Variants in PAX2 observed in about 807,000 individuals in gnomAD.
PAX2 encodes paired box 2.
A neutral mutation model predicts 41.7 loss-of-function variants in PAX2; 9 were observed. The ratio of observed to expected loss-of-function variants is 0.22; its 90% CI spans 0.13 to 0.38. The LOEUF is 0.38. Among genes scored for constraint, PAX2 ranks in the 10% least tolerant of loss-of-function variants. The probability of loss-of-function intolerance (pLI) is 1.00; values close to 1 mark genes in which losing one functional copy is unlikely to be tolerated. For missense variants in PAX2, 418 were observed against 531.6 expected (o/e 0.79, Z 2.10); for synonymous variants, 221 against 212.7 (o/e 1.04, Z -0.34).
chr10:100,799,573 A>G, intron 5 of PAX2, among the ~76,000 whole-genome samples: 1 of 152,174 alleles, frequency 6.6e-6, no homozygotes, highest in Non-Finnish European at 1.5e-5. Flanking sequence ...CCCTGAGTTC[A>G]CATCCAGGCT....
At chr10:100,825,708 G>A (rs2133986491) in intron 8 of PAX2, among the ~76,000 whole-genome samples, 1 of 152,300 alleles carries the variant, frequency 6.6e-6, no homozygotes, top group East Asian at 1.9e-4. Context: ...ATCCATCCAG[G>A]GACATTTAGG....
Position 100,825,891 on chromosome 10 carries a change from G to A in PAX2, c.1022-1118G>A, listed in dbSNP as rs1848537762. Among the ~76,000 whole-genome samples the A allele has an allele frequency of 3.3e-5, 5 of 151,730 alleles. No individual in the cohort carries two copies. In the South Asian group the frequency reaches 1.0e-3, roughly 32 times the overall value. On this transcript the variant is annotated intron_variant, in intron 8 of 9. Transcript: ENST00000355243. ...TGTTGGGAGGCAAGGAGATTTTAGGGAGAAACTCCCAGCAGTGAGCAGGTG... is the reference window on the plus strand; with the variant it reads ...TGTTGGGAGGCAAGGAGATTTTAGGAAGAAACTCCCAGCAGTGAGCAGGTG...
chr10:100,791,623 A>G lies in PAX2; in HGVS notation c.616+10258A>G, dbSNP rs890457066. 6.6e-6 allele frequency among the ~76,000 whole-genome samples: 1 copy of G among 152,220 alleles called. No homozygotes were observed. Among genetic ancestry groups the G allele is most frequent in the African/African-American group, 2.4e-5 (1 of 41,464 alleles). On this transcript the variant is annotated intron_variant, in intron 5 of 9. Coordinates refer to ENST00000355243, the MANE Select transcript of PAX2 (RefSeq NM_000278.5). This position sits in a 1 kb window ranked among gnomAD's most constrained non-coding sequence, Gnocchi z 4.5. ...GAGCAGGAGAGCAAGCGAGCCAGTG[A>G]CAGAGGGAGAGATGCGCGGACACAC... is the stretch of plus-strand genomic sequence containing the variant.
intron 1 of PAX2, chr10:100,735,752 C>G (rs1589794575): frequency 2.9e-6 from 3 of 1,036,100 alleles, no homozygotes; most frequent in Non-Finnish European, 2.3e-6. Context: ...GGCAGAGACC[C>G]GTCCGCGCCG....
At position 100,827,790 on chromosome 10, in the gene PAX2, G is replaced by A. The variant is rs1308699268; in HGVS notation, c.*171G>A. ...CGCAACCCTTCACATCACCCCCCTC[G>A]AAGGTCGGACAGGACGGGTGGAGCC... On this transcript the variant is annotated 3_prime_UTR_variant, in exon 10 of 10. Coordinates refer to ENST00000355243, the MANE Select transcript of PAX2 (RefSeq NM_000278.5). The surrounding 1 kb of genome is among the most constrained non-coding windows in gnomAD (Gnocchi z 8.5). 3.0e-6 allele frequency: 3 copies of A among 997,380 alleles called. No individual in the cohort carries two copies. Among genetic ancestry groups the A allele is most frequent in the Non-Finnish European group, 4.6e-6 (3 of 659,162 alleles). The allele number at this position is 997,380 out of a possible 1,614,324, so 61.8% of individuals were successfully genotyped here.
chr10:100,742,608 C>G (rs1386979821), upstream of PAX2, among the ~76,000 whole-genome samples: 1 of 152,106 alleles, frequency 6.6e-6, no homozygotes, highest in Non-Finnish European at 1.5e-5. Context: ...CAGAGCAACT[C>G]CCCAAAAGTT....
rs1161449541 is a variant in PAX2 at position 100,748,322 on chromosome 10, AG to A, written c.44-1423del. 9 of 983,284 alleles carry A rather than the reference AG, an allele frequency of 9.2e-6. No homozygotes were observed. Among genetic ancestry groups the A allele is most frequent in the Non-Finnish European group, 1.1e-5 (9 of 829,080 alleles). The allele number at this position is 983,284 out of a possible 1,614,324, so 60.9% of individuals were successfully genotyped here. A position where few individuals can be genotyped will look rare whatever the true frequency, so the allele number is the denominator to read the frequency against. ...GTGAGAAGTGGGGCTAGAGATAGGGAGATTAACGGGGTGGGCAAGGGGGTAA... is the reference window on the plus strand; with the variant it reads ...GTGAGAAGTGGGGCTAGAGATAGGGAATTAACGGGGTGGGCAAGGGGGTAA... On this transcript the variant is annotated intron_variant, in intron 1 of 9. Coordinates refer to ENST00000355243, the MANE Select transcript of PAX2 (RefSeq NM_000278.5). This position sits in a 1 kb window ranked among gnomAD's most constrained non-coding sequence, Gnocchi z 5.0.
chr10:100,747,882 T>C (rs1589808623), intron 1 of PAX2: 1 of 984,508 alleles, frequency 1.0e-6, no homozygotes, highest in Non-Finnish European at 1.2e-6. Flanking sequence ...CTCGTTCTCC[T>C]TTTTTGCGGA....
chr10:100,763,930 G>T (rs1336756461), intron 3 of PAX2, among the ~76,000 whole-genome samples: 1 of 152,106 alleles, frequency 6.6e-6, no homozygotes, highest in African/African-American at 2.4e-5. Flanking sequence ...AAATGTGGGG[G>T]ATAATTGTGT....
chr10:100,774,402 G>A (rs1260586568), intron 3 of PAX2, among the ~76,000 whole-genome samples: 1 of 152,192 alleles, frequency 6.6e-6, no homozygotes, highest in East Asian at 1.9e-4. Flanking sequence ...TGACCCTAGT[G>A]GGGCTTGGTC....
intron 3 of PAX2, among the ~76,000 whole-genome samples, chr10:100,778,258 C>G (rs983861650): frequency 3.3e-5 from 5 of 152,136 alleles, no homozygotes; most frequent in Admixed American, 3.3e-4. Context: ...TTCAGCCCTA[C>G]TTGGCTTTGA....
rs1845282917 is a variant in PAX2 at position 100,748,320 on chromosome 10, G to A, written c.44-1426G>A. 1.0e-6 allele frequency: 1 copy of A among 984,702 alleles called. No individual in the cohort carries two copies. Among genetic ancestry groups the A allele is most frequent in the Non-Finnish European group, 1.2e-6 (1 of 829,424 alleles). 61.0% of individuals were successfully genotyped at this position (984,702 alleles called of 1,614,324 possible). On this transcript the variant is annotated intron_variant, in intron 1 of 9. Transcript: ENST00000355243. This position sits in a 1 kb window ranked among gnomAD's most constrained non-coding sequence, Gnocchi z 5.0. The stretch of plus-strand genomic sequence containing the variant: ...GGGTGAGAAGTGGGGCTAGAGATAG[G>A]GAGATTAACGGGGTGGGCAAGGGGG...
intron 3 of PAX2, among the ~76,000 whole-genome samples, chr10:100,778,131 A>C (rs1423659514): frequency 6.6e-6 from 1 of 152,212 alleles, no homozygotes; most frequent in Non-Finnish European, 1.5e-5. Context: ...TGAGGCCCAG[A>C]GAAGTTGAGA....
intron 7 of PAX2, among the ~76,000 whole-genome samples, chr10:100,819,682 T>C (rs373224290): frequency 6.6e-6 from 1 of 152,316 alleles, no homozygotes; most frequent in South Asian, 2.1e-4. Flanking sequence ...ATATAGAAGG[T>C]GCTCAATGAA....
chr10:100,765,331 G>A (rs968590787), intron 3 of PAX2, among the ~76,000 whole-genome samples: 1 of 152,080 alleles, frequency 6.6e-6, no homozygotes, highest in Non-Finnish European at 1.5e-5. Flanking sequence ...TCCCATTCTT[G>A]CCTCAAGTTC....
At chr10:100,796,201 G>A (rs1238147857) in intron 5 of PAX2, among the ~76,000 whole-genome samples, 1 of 152,146 alleles carries the variant, frequency 6.6e-6, no homozygotes, top group African/African-American at 2.4e-5. Context: ...CACTCACAAT[G>A]TCGTCACCAG....
At chr10:100,786,733 T>A (rs544202030) in intron 5 of PAX2, among the ~76,000 whole-genome samples, 2 of 152,274 alleles carry the variant, frequency 1.3e-5, no homozygotes, top group South Asian at 4.1e-4. Flanking sequence ...AGGGAGGGGC[T>A]GTCCTGAGCC....
intron 3 of PAX2, among the ~76,000 whole-genome samples, chr10:100,756,563 G>C (rs962243977): frequency 1.3e-5 from 2 of 152,194 alleles, no homozygotes. Context: ...TTGGCCAACT[G>C]TAAATGTTTT....
intron 5 of PAX2, among the ~76,000 whole-genome samples, chr10:100,782,099 A>C (rs1301013642): frequency 6.6e-6 from 1 of 152,096 alleles, no homozygotes; most frequent in African/African-American, 2.4e-5. Context: ...TTCTCTTCTG[A>C]TGCGTGAAGC....
Sources: gnomAD v4.1 joint callset for allele counts (sites outside exome capture counted in the v4.1 genomes callset) on GRCh38, gnomAD v4.1.1 for gene constraint, Gnocchi (gnomAD v3.1) non-coding constraint, MANE v1.5 for transcripts, NCBI Gene and HGNC (gene_info 2026-07-23, HGNC 2026-07-21) for gene names.